ROBO1: variants seen among roughly 807,000 people sequenced by gnomAD.
The protein encoded by ROBO1 is roundabout guidance receptor 1.
A neutral mutation model predicts 195.9 loss-of-function variants in ROBO1; 149 were observed. The ratio of observed to expected loss-of-function variants is 0.76; its 90% CI spans 0.67 to 0.87. The LOEUF (loss-of-function observed/expected upper bound fraction) is 0.87. Ranked by LOEUF, ROBO1 falls within the 40% of genes least tolerant of loss-of-function variation. The pLI, the probability that ROBO1 is intolerant of heterozygous loss-of-function variation, is 0.00. For missense variants in ROBO1, 1,933 were observed against 2,068.3 expected, an observed-to-expected ratio of 0.93 and a Z score of 1.27; for synonymous variants, 816 against 733.2, an observed-to-expected ratio of 1.11 and a Z score of -1.82.
intron 4 of ROBO1, among the ~76,000 whole-genome samples, chr3:78,840,925 G>A (rs1576269915): frequency 1.3e-5 from 2 of 151,878 alleles, no homozygotes; most frequent in African/African-American, 2.4e-5. Flanking sequence ...AGCTGGGCGT[G>A]GTGGTGGGCG....
In ROBO1 at chr3:78,618,818, G is replaced by A. The variant is rs566201533; in HGVS notation, c.3876-777C>T. ...AATGAAGTAGTCTCCCAAAATATAG[G>A]TAAACAGTTACCAATTAATTGGTTT... On this transcript the variant is annotated intron_variant, in intron 26 of 30. Coordinates refer to ENST00000464233, the MANE Select transcript of ROBO1 (RefSeq NM_002941.4). Among the ~76,000 whole-genome samples, 317 of 152,176 alleles carry A rather than the reference G, an allele frequency of 2.1e-3. 5 individuals are homozygous for A. The highest frequency in any genetic ancestry group is 7.3e-3 in the African/African-American group (303 of 41,496).
chr3:78,809,325 A>G (rs1168612651), intron 4 of ROBO1, among the ~76,000 whole-genome samples: 1 of 152,196 alleles, frequency 6.6e-6, no homozygotes, highest in Non-Finnish European at 1.5e-5. Context: ...ATGATCATTA[A>G]AATGTCAGGA....
intron 2 of ROBO1, among the ~76,000 whole-genome samples, chr3:79,189,378 T>C (rs972330357): frequency 6.6e-6 from 1 of 151,596 alleles, no homozygotes; most frequent in Admixed American, 6.6e-5. Context: ...TAAATGTAAA[T>C]ATAAAAAAGG....
At chr3:79,067,309 A>G (rs997716515) in intron 3 of ROBO1, among the ~76,000 whole-genome samples, 1 of 152,056 alleles carries the variant, frequency 6.6e-6, no homozygotes, top group African/African-American at 2.4e-5. Flanking sequence ...AACCAAGTCA[A>G]GTGAAGTTAA....
At chr3:79,409,211 T>C (rs2037672194) in intron 2 of ROBO1, among the ~76,000 whole-genome samples, 2 of 152,104 alleles carry the variant, frequency 1.3e-5, no homozygotes, top group Non-Finnish European at 2.9e-5. Context: ...AAGTTTGTCT[T>C]TAATGACCAA....
intron 2 of ROBO1, among the ~76,000 whole-genome samples, chr3:79,351,527 G>T (rs2035342039): frequency 6.6e-6 from 1 of 151,928 alleles, no homozygotes; most frequent in Non-Finnish European, 1.5e-5. Flanking sequence ...AAACCAAAAA[G>T]ATATTTTATT....
chr3:78,962,434 T>G (rs1030475770), intron 3 of ROBO1, among the ~76,000 whole-genome samples: 12 of 152,168 alleles, frequency 7.9e-5, no homozygotes, highest in Admixed American at 7.2e-4. Context: ...CCCTAATAAT[T>G]TGCAGTGAGC....
chr3:79,280,450 C>G (rs1414932175), intron 2 of ROBO1, among the ~76,000 whole-genome samples: 1 of 151,812 alleles, frequency 6.6e-6, no homozygotes, highest in Non-Finnish European at 1.5e-5. Context: ...CTTTCCAGAC[C>G]CACAGGACAA....
At chr3:79,345,946 G>A (rs1444919309) in intron 2 of ROBO1, among the ~76,000 whole-genome samples, 1 of 152,114 alleles carries the variant, frequency 6.6e-6, no homozygotes, top group Non-Finnish European at 1.5e-5. Flanking sequence ...AATTAATACA[G>A]CCCAGATTTT....
At chr3:78,673,593 T>TAC (rs1708219542) in intron 10 of ROBO1, among the ~76,000 whole-genome samples, 1 of 62,868 alleles carries the variant, frequency 1.6e-5, no homozygotes, top group Non-Finnish European at 3.5e-5. Context: ...TATATATATA[T>TAC]ATATATATAT....
intron 2 of ROBO1, among the ~76,000 whole-genome samples, chr3:79,462,902 T>C (rs552107428): frequency 8.5e-4 from 129 of 152,344 alleles, no homozygotes; most frequent in African/African-American, 2.9e-3. Flanking sequence ...GCGTATAGTA[T>C]ACGTAGATAC....
intron 2 of ROBO1, among the ~76,000 whole-genome samples, chr3:79,321,705 T>C (rs993517801): frequency 6.6e-6 from 1 of 152,272 alleles, no homozygotes. Flanking sequence ...AAACTGCATT[T>C]TGTTTCTACA....
intron 1 of ROBO1, among the ~76,000 whole-genome samples, chr3:79,617,914 G>C (rs1343755324): frequency 7.9e-5 from 3 of 37,890 alleles, no homozygotes; most frequent in African/African-American, 1.2e-4. Context: ...TGACTAAAGA[G>C]ATATATTAAA....
At chr3:79,672,795 T>C (rs2106913394) in intron 1 of ROBO1, among the ~76,000 whole-genome samples, 1 of 152,030 alleles carries the variant, frequency 6.6e-6, no homozygotes, top group African/African-American at 2.4e-5. Context: ...TACTTGAATG[T>C]AATGACAATA....
intron 2 of ROBO1, among the ~76,000 whole-genome samples, chr3:79,574,512 T>C (rs958356457): frequency 1.3e-5 from 2 of 151,958 alleles, no homozygotes; most frequent in Admixed American, 6.6e-5. Context: ...ATAACTAATA[T>C]CATCATAAAA....
At chr3:79,166,696 G>C (rs1191359198) in intron 2 of ROBO1, among the ~76,000 whole-genome samples, 1 of 151,688 alleles carries the variant, frequency 6.6e-6, no homozygotes, top group Non-Finnish European at 1.5e-5. Context: ...CTCCCGACCA[G>C]CTGGGTCTAT....
chr3:79,756,802 TA>T (rs1704430719), intron 1 of ROBO1, among the ~76,000 whole-genome samples: 1 of 152,142 alleles, frequency 6.6e-6, no homozygotes, highest in Admixed American at 6.5e-5. Context: ...CATTAAACAA[TA>T]ACTTTCCATC....
At chr3:79,279,167 G>A (rs1046583574) in intron 2 of ROBO1, among the ~76,000 whole-genome samples, 1 of 151,996 alleles carries the variant, frequency 6.6e-6, no homozygotes, top group African/African-American at 2.4e-5. Context: ...TCAGGAGGCT[G>A]AGGCAGGAAA....
intron 2 of ROBO1, among the ~76,000 whole-genome samples, chr3:79,219,444 T>C (rs1489884226): frequency 6.6e-6 from 1 of 151,980 alleles, no homozygotes; most frequent in Non-Finnish European, 1.5e-5. Context: ...CTATCTCCTG[T>C]CCCATTGTGT....
Sources: gnomAD v4.1 joint callset for allele counts (sites outside exome capture counted in the v4.1 genomes callset) on GRCh38, gnomAD v4.1.1 for gene constraint, MANE v1.5 for transcripts, NCBI Gene and HGNC (gene_info 2026-07-23, HGNC 2026-07-21) for gene names.